PRUNE2: variants seen among roughly 807,000 people sequenced by gnomAD.
PRUNE2 encodes the protein prune homolog 2 with BCH domain.
A neutral mutation model predicts 252.0 loss-of-function variants in PRUNE2; 164 were observed. That is an observed-to-expected ratio of 0.65 (90% CI 0.57 to 0.74). The LOEUF (loss-of-function observed/expected upper bound fraction) is 0.74, where lower values mean the gene tolerates loss of function less well. PRUNE2 is among the 30% of genes least tolerant of loss of function. PRUNE2 has a pLI of 0.00. For missense variants in PRUNE2, 3,495 were observed against 3,711.0 expected, an observed-to-expected ratio of 0.94 and a Z score of 1.51; for synonymous variants, 1,292 against 1,350.2, an observed-to-expected ratio of 0.96 and a Z score of 0.94.
At chr9:76,626,224 A>G (rs1025222220) in intron 16 of PRUNE2, among the ~76,000 whole-genome samples, 6 of 152,268 alleles carry the variant, frequency 3.9e-5, no homozygotes, top group Non-Finnish European at 5.9e-5. Flanking sequence ...AACTGCCACA[A>G]ATAATGAGAA....
chr9:76,844,878 A>C lies in PRUNE2; in HGVS notation c.508+1637T>G, dbSNP rs542199445. Among the ~76,000 whole-genome samples, 211 of 152,098 alleles carry C rather than the reference A, an allele frequency of 1.4e-3. 1 individual carries two copies. Among genetic ancestry groups the C allele is most frequent in the African/African-American group, 4.8e-3 (199 of 41,504 alleles). On this transcript the variant is annotated intron_variant, in intron 4 of 18. Transcript: ENST00000376718. Reference sequence around the variant, plus strand: ...AACATCTGATGTTAAGAAAAGCAAAATCCAGCCAGGTGCAGTAGCTCGCAC... The same window carrying C: ...AACATCTGATGTTAAGAAAAGCAAACTCCAGCCAGGTGCAGTAGCTCGCAC...
chr9:76,826,734 T>C lies in PRUNE2; in HGVS notation c.509-2A>G, dbSNP rs139658711. ...TCATCCACTTGAAAAGAATGCTACCTGAAAGGTATGAATAAAAATGCTCTT... is the reference window on the plus strand; with the variant it reads ...TCATCCACTTGAAAAGAATGCTACCCGAAAGGTATGAATAAAAATGCTCTT... On this transcript the variant is annotated splice_acceptor_variant, in intron 4 of 18. Transcript: ENST00000376718. LOFTEE classifies it high-confidence loss of function. 1.0e-3 allele frequency: 1,657 copies of C among 1,597,150 alleles called. 5 individuals are homozygous for C. The highest frequency in any genetic ancestry group is 8.5e-4 in the Non-Finnish European group (993 of 1,170,248).
At chr9:76,701,581 T>A (rs950845936) in intron 9 of PRUNE2, among the ~76,000 whole-genome samples, 1 of 152,062 alleles carries the variant, frequency 6.6e-6, no homozygotes, top group African/African-American at 2.4e-5. Flanking sequence ...CTGGGATCCA[T>A]CTGCTACTCT....
In PRUNE2 at chr9:76,686,644, T is replaced by G. The variant is rs537094527; in HGVS notation, c.8276+16693A>C. ...TGTTTTAAAAAAATTTTTGGTAGAG[T>G]CAGGGTCTGACTGTGTTGTCCAGGC... On this transcript the variant is annotated intron_variant, in intron 9 of 18. Transcript: ENST00000376718. Among the ~76,000 whole-genome samples the G allele has an allele frequency of 9.9e-5, 15 of 151,968 alleles. No homozygotes were observed. In the East Asian group the frequency reaches 2.7e-3, roughly 28 times the overall value.
chr9:76,682,159 G>C (rs2043517505), intron 9 of PRUNE2, among the ~76,000 whole-genome samples: 1 of 151,906 alleles, frequency 6.6e-6, no homozygotes, highest in Non-Finnish European at 1.5e-5. Flanking sequence ...TCAGTAGACG[G>C]AGTGATTTAG....
At chr9:76,746,574 G>A (rs905192732) in intron 6 of PRUNE2, among the ~76,000 whole-genome samples, 4 of 151,392 alleles carry the variant, frequency 2.6e-5, no homozygotes, top group Admixed American at 6.6e-5. Flanking sequence ...GCGCGGTGGC[G>A]GGCGCCTGTA....
intron 9 of PRUNE2, among the ~76,000 whole-genome samples, chr9:76,665,644 A>G (rs550612149): frequency 1.3e-5 from 2 of 152,316 alleles, no homozygotes; most frequent in African/African-American, 4.8e-5. Context: ...ATGAGTCACT[A>G]TTGAACAACA....
chr9:76,716,636 T>C lies in PRUNE2; in HGVS notation c.757-2915A>G, dbSNP rs570763356. Reference sequence around the variant, plus strand: ...ATCAAGACTATATTTTCTTTTTCTTTATTTTTTTTTCAGAATGGTATAGGT... The same window carrying C: ...ATCAAGACTATATTTTCTTTTTCTTCATTTTTTTTTCAGAATGGTATAGGT... On this transcript the variant is annotated intron_variant, in intron 6 of 18. Coordinates refer to ENST00000376718, the MANE Select transcript of PRUNE2 (RefSeq NM_015225.3). 5.3e-5 allele frequency among the ~76,000 whole-genome samples: 8 copies of C among 152,344 alleles called. No homozygotes were observed. The South Asian group carries it at 1.7e-3, about 32-fold the overall frequency.
chr9:76,877,233 G>A (rs1434565105), intron 1 of PRUNE2, among the ~76,000 whole-genome samples: 5 of 151,886 alleles, frequency 3.3e-5, no homozygotes, highest in South Asian at 4.2e-4. Flanking sequence ...GACCTGGCGC[G>A]GTGCCTCATG....
chr9:76,818,527 C>T (rs1044346398), intron 6 of PRUNE2, among the ~76,000 whole-genome samples: 28 of 152,074 alleles, frequency 1.8e-4, no homozygotes, highest in African/African-American at 6.5e-4. Context: ...GTCACTTTAC[C>T]AGGATGCATC....
intron 1 of PRUNE2, among the ~76,000 whole-genome samples, chr9:76,888,417 A>T (rs1227002060): frequency 6.6e-6 from 1 of 152,154 alleles, no homozygotes; most frequent in Admixed American, 6.5e-5. Flanking sequence ...TCTTTACTAA[A>T]AATACAAAAA....
intron 9 of PRUNE2, among the ~76,000 whole-genome samples, chr9:76,691,360 A>G (rs2044703882): frequency 6.6e-6 from 1 of 152,224 alleles, no homozygotes; most frequent in African/African-American, 2.4e-5. Context: ...TCTAGTTACC[A>G]CACAGAAATT....
At chr9:76,895,492 G>A (rs1321780779) in intron 1 of PRUNE2, among the ~76,000 whole-genome samples, 1 of 152,080 alleles carries the variant, frequency 6.6e-6, no homozygotes, top group Non-Finnish European at 1.5e-5. Context: ...TCAGACAACC[G>A]AAGCCTACCC....
chr9:76,641,555 A>AG (rs1395075823), intron 12 of PRUNE2, among the ~76,000 whole-genome samples: 2 of 152,206 alleles, frequency 1.3e-5, no homozygotes, highest in African/African-American at 4.8e-5. Flanking sequence ...GATACCTTGA[A>AG]GGGGTCAGCT....
rs773003708 is a variant in PRUNE2, at chr9:76,652,717, TA to T, written c.8357-35del. 3 of 1,447,068 alleles carry T rather than the reference TA, an allele frequency of 2.1e-6. No homozygotes were observed. The African/African-American group carries it at 4.2e-5, about 20-fold the overall frequency. 89.6% of individuals were successfully genotyped at this position (1,447,068 alleles called of 1,614,324 possible). On this transcript the variant is annotated intron_variant, in intron 10 of 18. Coordinates refer to ENST00000376718, the MANE Select transcript of PRUNE2 (RefSeq NM_015225.3). The stretch of plus-strand genomic sequence containing the variant: ...GAAAGAGAACAGCAACATCAAGTAT[TA>T]AACCAGAGGAGCAATCTAAATCAAA...
chr9:76,704,730 C>A, intron 8 of PRUNE2, 31 bp downstream of exon 8: 1 of 1,428,118 alleles, frequency 7.0e-7, no homozygotes, highest in South Asian at 1.4e-5. Context: ...GCAGCAGTTT[C>A]TTGGAAGTGG....
At chr9:76,689,346 G>A (rs867413495) in intron 9 of PRUNE2, among the ~76,000 whole-genome samples, 2 of 152,002 alleles carry the variant, frequency 1.3e-5, no homozygotes, top group Non-Finnish European at 2.9e-5. Flanking sequence ...AAATGTTAAC[G>A]CATGGACTAG....
chr9:76,861,439 C>T (rs2060540429), intron 1 of PRUNE2, among the ~76,000 whole-genome samples: 1 of 152,156 alleles, frequency 6.6e-6, no homozygotes, highest in Admixed American at 6.5e-5. Context: ...TCAGTGTGAA[C>T]AAATTCAGCT....
At chr9:76,635,073 G>A (rs1433699019) in intron 15 of PRUNE2, among the ~76,000 whole-genome samples, 4 of 152,046 alleles carry the variant, frequency 2.6e-5, no homozygotes, top group Admixed American at 6.6e-5. Context: ...AGGTTCAAGC[G>A]ATTCTCCTGC....
Sources: gnomAD v4.1 joint callset for allele counts (sites outside exome capture counted in the v4.1 genomes callset) on GRCh38, gnomAD v4.1.1 for gene constraint, MANE v1.5 for transcripts, NCBI Gene and HGNC (gene_info 2026-07-23, HGNC 2026-07-21) for gene names.